Variants in EXOC6B observed in about 807,000 individuals in gnomAD.
EXOC6B encodes the protein exocyst complex component 6B, also known as SEC15 homolog B.
EXOC6B carries 54 observed loss-of-function variants against 113.5 expected under a neutral mutation model. The observed-to-expected ratio is 0.48, with a 90% CI of 0.38 to 0.60. EXOC6B has a LOEUF of 0.60. EXOC6B is among the 20% of genes least tolerant of loss of function. The pLI is 0.00. For synonymous variants in EXOC6B, 357 were observed against 339.0 expected, an observed-to-expected ratio of 1.05 and a Z score of -0.58; for missense variants, 797 against 977.5, an observed-to-expected ratio of 0.82 and a Z score of 2.46.
chr2:72,248,404 C>G (rs917785568), intron 20 of EXOC6B, among the ~76,000 whole-genome samples: 1 of 152,122 alleles, frequency 6.6e-6, no homozygotes, highest in Non-Finnish European at 1.5e-5. Context: ...ACTGTAAACT[C>G]TTCACAGGGA....
intron 6 of EXOC6B, among the ~76,000 whole-genome samples, chr2:72,678,502 T>G (rs1676468691): frequency 6.6e-6 from 1 of 152,028 alleles, no homozygotes; most frequent in Admixed American, 6.5e-5. Context: ...AGGCCAGGAG[T>G]TGGAGGCCTC....
chr2:72,515,458 G>A, intron 8 of EXOC6B: 19 of 1,075,228 alleles, frequency 1.8e-5, no homozygotes, highest in Non-Finnish European at 2.1e-5. Flanking sequence ...TATGATAACA[G>A]GTAAGAAAAT....
At chr2:72,664,695 A>C (rs994142446) in intron 6 of EXOC6B, among the ~76,000 whole-genome samples, 1 of 152,178 alleles carries the variant, frequency 6.6e-6, no homozygotes, top group Non-Finnish European at 1.5e-5. Context: ...TGTCTTTCCC[A>C]TGGGACTGGA....
chr2:72,580,135 ATTT>A (rs1205164863), intron 6 of EXOC6B, among the ~76,000 whole-genome samples: 19 of 93,766 alleles, frequency 2.0e-4, no homozygotes, highest in African/African-American at 6.3e-4. Flanking sequence ...AGAAATAAGA[ATTT>A]TTTTTTTTTT....
At chr2:72,404,269 C>T (rs1347985496) in intron 18 of EXOC6B, among the ~76,000 whole-genome samples, 1 of 152,248 alleles carries the variant, frequency 6.6e-6, no homozygotes, top group Admixed American at 6.5e-5. Flanking sequence ...CCTCTGTAGA[C>T]TCCACCTCTG....
Position 72,431,651 on chromosome 2 carries a change from T to A in EXOC6B, c.1980+33509A>T, listed in dbSNP as rs568374522. Reference sequence around the variant, plus strand: ...GCCACCACATCCAACTAAATTTTTTTATTATTATTATTCTACTTTCAGTTC... The same window carrying A: ...GCCACCACATCCAACTAAATTTTTTAATTATTATTATTCTACTTTCAGTTC... On this transcript the variant is annotated intron_variant, in intron 18 of 21. Coordinates refer to ENST00000272427, the MANE Select transcript of EXOC6B (RefSeq NM_015189.3). Among the ~76,000 whole-genome samples, 4 of 152,270 alleles carry A rather than the reference T, an allele frequency of 2.6e-5. No homozygotes were observed. The East Asian group carries it at 7.7e-4, about 29-fold the overall frequency.
intron 18 of EXOC6B, among the ~76,000 whole-genome samples, chr2:72,425,445 C>T (rs950126419): frequency 6.6e-6 from 1 of 152,062 alleles, no homozygotes; most frequent in Non-Finnish European, 1.5e-5. Flanking sequence ...AGAAATGTTT[C>T]TTAGAATTGA....
At chr2:72,330,200 A>G (rs1226476188) in intron 20 of EXOC6B, among the ~76,000 whole-genome samples, 1 of 152,118 alleles carries the variant, frequency 6.6e-6, no homozygotes. Flanking sequence ...CAAACATGGA[A>G]GGTAAACTAT....
chr2:72,218,749 G>C (rs569452411), intron 20 of EXOC6B, among the ~76,000 whole-genome samples: 1 of 151,888 alleles, frequency 6.6e-6, no homozygotes, highest in Non-Finnish European at 1.5e-5. Context: ...TGCAACCTCC[G>C]ACTCCCTGGT....
intron 17 of EXOC6B, among the ~76,000 whole-genome samples, chr2:72,471,218 T>A (rs1490481529): frequency 1.3e-5 from 2 of 152,198 alleles, no homozygotes; most frequent in African/African-American, 4.8e-5. Context: ...TGATGGCCAG[T>A]GATGATGAGC....
chr2:72,224,383 C>T (rs911079470), intron 20 of EXOC6B, among the ~76,000 whole-genome samples: 2 of 152,028 alleles, frequency 1.3e-5, no homozygotes, highest in Admixed American at 1.3e-4. Flanking sequence ...AAACATTTAC[C>T]TGAAGGGAAT....
rs759997229 is a variant in EXOC6B, at chr2:72,825,885, G to C, written c.26C>G (p.Ala9Gly). MERGKMAE[A>G]ESLETAAEHE... is the part of the protein sequence containing the mutation. Reference sequence around the variant, plus strand: ...CTCTGCCGCTGTCTCCAGGCTCTCCGCCTCCGCCATCTTACCCCGCTCCAT... The same window carrying C: ...CTCTGCCGCTGTCTCCAGGCTCTCCCCCTCCGCCATCTTACCCCGCTCCAT... The change falls in exon 1 of 22, where the codon GCG (alanine) becomes GGG (glycine). Residue 9 changes from alanine (A) to glycine (G), a missense_variant. Ala to Gly is a moderately conservative substitution (Grantham distance 60). Coordinates refer to ENST00000272427, the MANE Select transcript of EXOC6B (RefSeq NM_015189.3). This position sits in a 1 kb window ranked among gnomAD's most constrained non-coding sequence, Gnocchi z 4.4. 6.2e-7 allele frequency: 1 copy of C among 1,613,222 alleles called. No individual in the cohort carries two copies. The highest frequency in any genetic ancestry group is 8.5e-7 in the Non-Finnish European group (1 of 1,179,668).
chr2:72,490,836 A>G (rs1454464161), intron 16 of EXOC6B, among the ~76,000 whole-genome samples: 1 of 152,140 alleles, frequency 6.6e-6, no homozygotes, highest in East Asian at 1.9e-4. Context: ...CAGTAAACCA[A>G]TGGCTCAGCC....
At chr2:72,683,407 T>C (rs1235972765) in intron 6 of EXOC6B, among the ~76,000 whole-genome samples, 1 of 152,200 alleles carries the variant, frequency 6.6e-6, no homozygotes, top group Non-Finnish European at 1.5e-5. Context: ...TCTATACTTA[T>C]GGACATTAAA....
intron 6 of EXOC6B, among the ~76,000 whole-genome samples, chr2:72,666,165 A>G (rs1241842714): frequency 1.3e-5 from 2 of 152,204 alleles, no homozygotes; most frequent in African/African-American, 4.8e-5. Flanking sequence ...ACACTCCACA[A>G]TGAAGCAGCC....
At chr2:72,236,030 T>A (rs1329665188) in intron 20 of EXOC6B, among the ~76,000 whole-genome samples, 1 of 152,232 alleles carries the variant, frequency 6.6e-6, no homozygotes, top group African/African-American at 2.4e-5. Context: ...TTCTGACTAT[T>A]TCTGAGAAGA....
intron 6 of EXOC6B, among the ~76,000 whole-genome samples, chr2:72,624,722 G>T (rs946376835): frequency 5.3e-5 from 8 of 152,160 alleles, no homozygotes; most frequent in African/African-American, 1.4e-4. Context: ...CTCCAGCGTA[G>T]ATGACAGAGC....
chr2:72,493,985 C>A (rs1382849545), intron 15 of EXOC6B, among the ~76,000 whole-genome samples: 3 of 152,056 alleles, frequency 2.0e-5, no homozygotes, highest in Non-Finnish European at 2.9e-5. Context: ...CTCTGTCACT[C>A]CAAGTTATAA....
At chr2:72,717,322 C>T (rs1224252376) in intron 6 of EXOC6B, among the ~76,000 whole-genome samples, 1 of 152,092 alleles carries the variant, frequency 6.6e-6, no homozygotes, top group East Asian at 1.9e-4. Context: ...ATAAAAACTA[C>T]AAATGATCTA....
Sources: allele counts gnomAD v4.1 joint callset (sites outside exome capture counted in the v4.1 genomes callset), GRCh38; gene constraint gnomAD v4.1.1; non-coding constraint Gnocchi (gnomAD v3.1); transcripts MANE v1.5; gene names NCBI Gene and HGNC (gene_info 2026-07-23, HGNC 2026-07-21).